Variants in MAP3K20 observed in about 807,000 individuals in gnomAD.
MAP3K20 encodes mitogen-activated protein kinase kinase kinase 20.
A neutral mutation model predicts 85.7 loss-of-function variants in MAP3K20; 40 were observed. The observed-to-expected ratio is 0.47, with a 90% CI of 0.36 to 0.61. The LOEUF (loss-of-function observed/expected upper bound fraction) is 0.61. MAP3K20 is among the 20% of genes least tolerant of loss of function. The pLI is 0.00. For missense variants in MAP3K20, 817 were observed against 961.7 expected (o/e 0.85, Z 1.99); for synonymous variants, 325 against 327.7 (o/e 0.99, Z 0.09).
intron 16 of MAP3K20, among the ~76,000 whole-genome samples, chr2:173,251,990 G>A (rs748306137): frequency 3.9e-5 from 6 of 152,196 alleles, no homozygotes; most frequent in African/African-American, 1.4e-4. Context: ...AAAATAGAGA[G>A]AGAGAGAGAG....
chr2:173,229,188 G>T (rs1052186628), intron 11 of MAP3K20, among the ~76,000 whole-genome samples: 4 of 152,188 alleles, frequency 2.6e-5, no homozygotes, highest in African/African-American at 9.7e-5. Context: ...AATTTCCCAT[G>T]TCCTTCTTCA....
At chr2:173,127,231 C>G (rs777845441) in intron 2 of MAP3K20, among the ~76,000 whole-genome samples, 1 of 152,154 alleles carries the variant, frequency 6.6e-6, no homozygotes, top group African/African-American at 2.4e-5. Flanking sequence ...GAAGTTGGTT[C>G]CCATTGGCCC....
chr2:173,076,275 G>A (rs950806085), intron 1 of MAP3K20, among the ~76,000 whole-genome samples: 1 of 152,000 alleles, frequency 6.6e-6, no homozygotes, highest in Admixed American at 6.5e-5. Context: ...CGGTTCGGGA[G>A]AGTTCGGGCC....
chr2:173,181,656 G>C (rs1016412603), intron 3 of MAP3K20, among the ~76,000 whole-genome samples: 2 of 152,170 alleles, frequency 1.3e-5, no homozygotes, highest in Non-Finnish European at 2.9e-5. Flanking sequence ...ACTGGGGACT[G>C]AATAAACCAA....
chr2:173,243,680 C>G (rs980549874), intron 16 of MAP3K20, among the ~76,000 whole-genome samples: 2 of 152,176 alleles, frequency 1.3e-5, no homozygotes, highest in South Asian at 2.1e-4. Flanking sequence ...TGCAGTGGCG[C>G]TATCTCGGCT....
At chr2:173,188,554 G>T (rs1032886147) in intron 5 of MAP3K20, among the ~76,000 whole-genome samples, 1 of 151,878 alleles carries the variant, frequency 6.6e-6, no homozygotes, top group Non-Finnish European at 1.5e-5. Flanking sequence ...GGAATGAATC[G>T]ATCAGGTACC....
chr2:173,254,433 C>CAAA (rs755879153), intron 16 of MAP3K20, among the ~76,000 whole-genome samples: 29 of 65,864 alleles, frequency 4.4e-4, no homozygotes, highest in African/African-American at 9.0e-4. Flanking sequence ...GACTTCGTCT[C>CAAA]AAAAAAAAAA....
intron 2 of MAP3K20, among the ~76,000 whole-genome samples, chr2:173,096,172 C>G (rs934639440): frequency 6.6e-6 from 1 of 152,042 alleles, no homozygotes; most frequent in South Asian, 2.1e-4. Flanking sequence ...TATATTGTTC[C>G]TAGAATTCAG....
At chr2:173,223,999 T>G in intron 11 of MAP3K20, 18 of 979,668 alleles carry the variant, frequency 1.8e-5, no homozygotes, top group Non-Finnish European at 1.9e-5. Context: ...ATAGAGCTCC[T>G]TCTCTGTGCC....
chr2:173,083,085 C>A (rs1481005668), intron 1 of MAP3K20, among the ~76,000 whole-genome samples: 1 of 152,176 alleles, frequency 6.6e-6, no homozygotes, highest in Non-Finnish European at 1.5e-5. Flanking sequence ...TACCATTGCT[C>A]TAACTAGAGA....
rs377358895 is a variant in MAP3K20 at position 173,258,287 on chromosome 2, C to T, written c.1360-412C>T. 9.2e-5 allele frequency among the ~76,000 whole-genome samples: 14 copies of T among 152,212 alleles called. 1 individual carries two copies. The highest frequency in any genetic ancestry group is 3.1e-4 in the African/African-American group (13 of 41,530). On this transcript the variant is annotated intron_variant, in intron 16 of 19. Transcript: ENST00000375213. ...GGTGGATCAAGAGGGCCTTATGTTTCAAGAAAGGTAGAAAACCCACATTTC... is the reference window on the plus strand; with the variant it reads ...GGTGGATCAAGAGGGCCTTATGTTTTAAGAAAGGTAGAAAACCCACATTTC...
chr2:173,233,473 A>C (rs3769154), intron 14 of MAP3K20, among the ~76,000 whole-genome samples: 28,596 of 152,120 alleles, frequency 0.19, 3,599 homozygotes, highest in East Asian at 0.56. Flanking sequence ...TTAGCAACTT[A>C]AACTGAGTAA....
chr2:173,102,879 G>A (rs943394638), intron 2 of MAP3K20, among the ~76,000 whole-genome samples: 1 of 151,946 alleles, frequency 6.6e-6, no homozygotes, highest in African/African-American at 2.4e-5. Flanking sequence ...TTCGAGACCA[G>A]CCTGGCCAAA....
chr2:173,148,777 T>G (rs761487921), intron 2 of MAP3K20, among the ~76,000 whole-genome samples: 3 of 152,230 alleles, frequency 2.0e-5, no homozygotes, highest in Non-Finnish European at 2.9e-5. Context: ...TTTCATGGTT[T>G]GCCAAATTTG....
chr2:173,221,114 C>A (rs1462232669), intron 11 of MAP3K20: 3 of 1,433,954 alleles, frequency 2.1e-6, no homozygotes, highest in African/African-American at 2.8e-5. Context: ...GTCCTAATTT[C>A]TCTTTTTACT....
chr2:173,203,706 C>A, intron 8 of MAP3K20, 90 bp from the exon 9 acceptor site: 1 of 967,478 alleles, frequency 1.0e-6, no homozygotes, highest in Non-Finnish European at 1.6e-6. Flanking sequence ...CTTAAAATAA[C>A]TCTATTATGA....
intron 2 of MAP3K20, among the ~76,000 whole-genome samples, chr2:173,148,789 C>T (rs971876882): frequency 6.6e-6 from 1 of 152,198 alleles, no homozygotes; most frequent in South Asian, 2.1e-4. Flanking sequence ...CCAAATTTGG[C>T]AGAGTTCTTC....
At chr2:173,265,851 A>G (rs1685407072) in intron 19 of MAP3K20, among the ~76,000 whole-genome samples, 199 bp from the exon 20 acceptor site, 1 of 152,224 alleles carries the variant, frequency 6.6e-6, no homozygotes, top group South Asian at 2.1e-4. Flanking sequence ...CACATAGCAT[A>G]TATTGAATAA....
chr2:173,251,250 T>C lies in MAP3K20; in HGVS notation c.1360-7449T>C, dbSNP rs779173600. ...ATTCTGACCTCTGTATTTTATATTT[T>C]AAATTGCTTCCTCAAGACAGGCCTT... On this transcript the variant is annotated intron_variant, in intron 16 of 19. Transcript: ENST00000375213. 3.3e-5 allele frequency among the ~76,000 whole-genome samples: 5 copies of C among 152,224 alleles called. 1 individual carries two copies. Among genetic ancestry groups the C allele is most frequent in the African/African-American group, 7.2e-5 (3 of 41,462 alleles).
Sources: allele counts gnomAD v4.1 joint callset (sites outside exome capture counted in the v4.1 genomes callset), GRCh38; gene constraint gnomAD v4.1.1; transcripts MANE v1.5; gene names NCBI Gene and HGNC (gene_info 2026-07-23, HGNC 2026-07-21).